The following DOCK9 variants were observed in gnomAD, a reference collection of about 807,000 sequenced individuals.
DOCK9 encodes dedicator of cytokinesis protein 9.
A neutral mutation model predicts 263.3 loss-of-function variants in DOCK9; 89 were observed. The ratio of observed to expected loss-of-function variants is 0.34; its 90% CI spans 0.28 to 0.40. The LOEUF (loss-of-function observed/expected upper bound fraction) is 0.40. DOCK9 is among the 10% of genes least tolerant of loss of function. The probability of loss-of-function intolerance (pLI) is 1.00; values close to 1 mark genes in which losing one functional copy is unlikely to be tolerated. For synonymous variants in DOCK9, 976 were observed against 973.1 expected, an observed-to-expected ratio of 1.00 and a Z score of -0.06; for missense variants, 2,140 against 2,603.4, an observed-to-expected ratio of 0.82 and a Z score of 3.87.
rs1407563003 is a variant in DOCK9, at chr13:98,793,455, T to C, written c.*1171A>G. On this transcript the variant is annotated 3_prime_UTR_variant, in exon 53 of 53. Transcript: ENST00000682017. ...TTTTGGTATCCTGTTCCCTTAGGAC[T>C]GCTGAACAATAAACACCCAGCAGCC... 2 of 152,614 alleles carry C rather than the reference T, an allele frequency of 1.3e-5. No individual in the cohort carries two copies. The highest frequency in any genetic ancestry group is 6.5e-5 in the Admixed American group (1 of 15,302). 9.5% of individuals were successfully genotyped at this position (152,614 alleles called of 1,614,324 possible).
rs376651254 is a variant in DOCK9 at position 98,794,664 on chromosome 13, T to C, written c.6241A>G (p.Met2081Val). Residue 2081 changes from methionine to valine, a missense_variant, in exon 53 of 53, where the codon ATG (methionine) becomes GTG (valine). Physicochemically the swap from Met to Val is conservative, Grantham distance 21. This residue lies in a region of DOCK9 where 619 missense variants were observed against 861.8 expected (regional missense o/e 0.72). Coordinates refer to ENST00000682017, the MANE Select transcript of DOCK9 (RefSeq NM_001366683.2). ...NAISGTPTSTMVHGMTSSSSV... is the reference protein window; with the variant it reads ...NAISGTPTSTVVHGMTSSSSV... Reference sequence around the variant, plus strand: ...GACGAGCTGGTCATCCCGTGAACCATTGTGCTTGTTGGAGTCCCACTGATG... The same window carrying C: ...GACGAGCTGGTCATCCCGTGAACCACTGTGCTTGTTGGAGTCCCACTGATG... The C allele has an allele frequency of 6.3e-5, 101 of 1,613,238 alleles. No individual in the cohort carries two copies. The highest frequency in any genetic ancestry group is 4.1e-4 in the African/African-American group (31 of 74,906).
intron 1 of DOCK9, among the ~76,000 whole-genome samples, chr13:99,053,057 C>A (rs2040774079): frequency 6.6e-6 from 1 of 152,166 alleles, no homozygotes; most frequent in Admixed American, 6.5e-5. Context: ...ACTTCCAGTT[C>A]CCAATTTCTT....
chr13:98,940,008 G>C (rs1176127618), intron 2 of DOCK9, among the ~76,000 whole-genome samples: 2 of 152,290 alleles, frequency 1.3e-5, no homozygotes, highest in African/African-American at 4.8e-5. Context: ...ACAACTCTGG[G>C]AACATCACTG....
At chr13:98,858,485 G>C (rs1264943646) in intron 33 of DOCK9, 2 of 152,190 alleles carry the variant, frequency 1.3e-5, no homozygotes, top group Non-Finnish European at 2.9e-5. Flanking sequence ...TCTTGAAGGA[G>C]AAGCACCAGG....
At chr13:98,936,643 A>AG (rs943475456) in intron 2 of DOCK9, among the ~76,000 whole-genome samples, 12 of 22,150 alleles carry the variant, frequency 5.4e-4, no homozygotes, top group Non-Finnish European at 1.7e-3. Context: ...AAAAAGAAAG[A>AG]AAGAAAAGAA....
intron 1 of DOCK9, among the ~76,000 whole-genome samples, chr13:99,071,700 C>A (rs1262747947): frequency 6.6e-6 from 1 of 152,076 alleles, no homozygotes; most frequent in African/African-American, 2.4e-5. Flanking sequence ...TACATAATTT[C>A]TGGCTCGCTT....
At chr13:98,950,770 A>G (rs548981238) in intron 2 of DOCK9, among the ~76,000 whole-genome samples, 13 of 152,364 alleles carry the variant, frequency 8.5e-5, no homozygotes, top group African/African-American at 2.6e-4. Flanking sequence ...TCGCACAAGC[A>G]TAAGTAAGCT....
At chr13:99,084,122 G>A (rs1388486239) in intron 1 of DOCK9, among the ~76,000 whole-genome samples, 2 of 152,128 alleles carry the variant, frequency 1.3e-5, no homozygotes, top group Non-Finnish European at 2.9e-5. Flanking sequence ...ATACAACAAA[G>A]CCCGGCCAGA....
At chr13:98,890,743 A>C (rs1211803159) in intron 15 of DOCK9, among the ~76,000 whole-genome samples, 1 of 152,160 alleles carries the variant, frequency 6.6e-6, no homozygotes, top group African/African-American at 2.4e-5. Flanking sequence ...TACATCTTGG[A>C]ATATTTGTCA....
At chr13:99,008,658 C>T (rs2141910522) in intron 1 of DOCK9, among the ~76,000 whole-genome samples, 1 of 152,314 alleles carries the variant, frequency 6.6e-6, no homozygotes, top group Non-Finnish European at 1.5e-5. Context: ...GGTGGCTAAG[C>T]AACAGAAATG....
intron 1 of DOCK9, among the ~76,000 whole-genome samples, chr13:98,988,162 A>G (rs1269309133): frequency 6.6e-6 from 1 of 152,212 alleles, no homozygotes; most frequent in Admixed American, 6.5e-5. Flanking sequence ...TGTCCAGGAA[A>G]GTAGCAAATG....
At chr13:98,832,824 C>T (rs1331372213) in intron 39 of DOCK9, among the ~76,000 whole-genome samples, 1 of 152,188 alleles carries the variant, frequency 6.6e-6, no homozygotes, top group African/African-American at 2.4e-5. Context: ...TGTCAAGAGG[C>T]CAGTATCTCA....
At chr13:99,074,999 T>A (rs1376842925) in intron 1 of DOCK9, among the ~76,000 whole-genome samples, 1 of 152,192 alleles carries the variant, frequency 6.6e-6, no homozygotes, top group African/African-American at 2.4e-5. Context: ...CTGTAGTTAA[T>A]TTTATGTAGT....
At chr13:98,797,346 G>C (rs1417733252) in intron 51 of DOCK9, 43 bp downstream of exon 51, 4 of 1,607,408 alleles carry the variant, frequency 2.5e-6, no homozygotes, top group Non-Finnish European at 3.4e-6. Flanking sequence ...GTACAGAAAT[G>C]ATCAATACTC....
At chr13:99,047,517 C>CTTT (rs80048308) in intron 1 of DOCK9, among the ~76,000 whole-genome samples, 22 of 127,022 alleles carry the variant, frequency 1.7e-4, no homozygotes, top group South Asian at 2.6e-4. Context: ...GGTTCTAATC[C>CTTT]TTTTTTTTTT....
chr13:98,794,322 C>T lies in DOCK9; in HGVS notation c.*304G>A, dbSNP rs1431722517. 3.3e-6 allele frequency: 1 copy of T among 307,490 alleles called. No individual in the cohort carries two copies. The highest frequency in any genetic ancestry group is 5.3e-5 in the East Asian group (1 of 18,898). 19.0% of individuals were successfully genotyped at this position (307,490 alleles called of 1,614,324 possible). A position where few individuals can be genotyped will look rare whatever the true frequency, so the allele number is the denominator to read the frequency against. ...CCCAGAACCTTTTTTTTCTGTAGGC[C>T]ATCTATTCTAACACTACTCTGCAAG... On this transcript the variant is annotated 3_prime_UTR_variant, in exon 53 of 53. Coordinates refer to ENST00000682017, the MANE Select transcript of DOCK9 (RefSeq NM_001366683.2).
chr13:98,831,354 A>G lies in DOCK9; in HGVS notation c.4629T>C (p.His1543=). Residue 1543 remains histidine (H), a synonymous_variant, in exon 41 of 53, where the codon CAT becomes CAC. Transcript: ENST00000682017. The part of the protein sequence containing the change: ...YTGKKSFVRT[H]LQVIISVSQL... ...AAAGCTAAACCACACGCACTTGCAA[A>G]TGTGTCCGGACAAAGGACTTCTTTC... The G allele has an allele frequency of 1.2e-6, 2 of 1,602,760 alleles. No homozygotes were observed. The highest frequency in any genetic ancestry group is 1.7e-6 in the Non-Finnish European group (2 of 1,174,136).
At chr13:98,996,975 G>A (rs1465373191) in intron 1 of DOCK9, among the ~76,000 whole-genome samples, 1 of 152,176 alleles carries the variant, frequency 6.6e-6, no homozygotes, top group Non-Finnish European at 1.5e-5. Context: ...TCCTCAGCTG[G>A]CATAACAGAA....
intron 2 of DOCK9, among the ~76,000 whole-genome samples, chr13:98,948,010 T>G (rs753350171): frequency 1.3e-5 from 2 of 152,172 alleles, no homozygotes; most frequent in African/African-American, 4.8e-5. Context: ...TGGCTCTATA[T>G]AAGAAAAGAG....
Sources: allele counts gnomAD v4.1 joint callset (sites outside exome capture counted in the v4.1 genomes callset), GRCh38; gene constraint gnomAD v4.1.1; regional missense constraint gnomAD v4.1.1; transcripts MANE v1.5; gene names NCBI Gene and HGNC (gene_info 2026-07-23, HGNC 2026-07-21).